NUDT2: variants seen among roughly 807,000 people sequenced by gnomAD.
NUDT2 encodes nudix hydrolase 2.
Under a neutral mutation model 14.2 loss-of-function variants are expected in NUDT2, and 12 were observed. That is an observed-to-expected ratio of 0.84 (90% CI 0.54 to 1.37). The LOEUF is 1.37. Ranked by LOEUF, NUDT2 falls within the 40% of genes most tolerant of loss-of-function variation. NUDT2 has a pLI of 0.00. For synonymous variants in NUDT2, 67 were observed against 67.4 expected, an observed-to-expected ratio of 0.99 and a Z score of 0.03; for missense variants, 167 against 176.7, an observed-to-expected ratio of 0.95 and a Z score of 0.31.
Position 34,338,887 on chromosome 9 carries a change from G to A in NUDT2, c.-17+40G>A, listed in dbSNP as rs1838165775. On this transcript the variant is annotated intron_variant, in intron 3 of 4. Coordinates refer to ENST00000379158, the MANE Select transcript of NUDT2 (RefSeq NM_001161.5). ...CCTGGATGCCTTCCATTGGTCCTGGGCATGCTGCCTTTTTCTGTGGGCTAT... is the reference window on the plus strand; with the variant it reads ...CCTGGATGCCTTCCATTGGTCCTGGACATGCTGCCTTTTTCTGTGGGCTAT... The A allele has an allele frequency of 1.2e-5, 8 of 667,916 alleles. No individual in the cohort carries two copies. The Admixed American group carries it at 1.4e-4, about 11-fold the overall frequency. 41.4% of individuals were successfully genotyped at this position (667,916 alleles called of 1,614,324 possible). A position where few individuals can be genotyped will look rare whatever the true frequency, so the allele number is the denominator to read the frequency against.
intron 4 of NUDT2, among the ~76,000 whole-genome samples, chr9:34,339,845 G>T (rs1838188717): frequency 6.6e-6 from 1 of 152,060 alleles, no homozygotes; most frequent in Non-Finnish European, 1.5e-5. Flanking sequence ...TCAAAAAAAA[G>T]AAAATCCTAA....
At chr9:34,333,243 A>G (rs1563972167) in intron 1 of NUDT2, among the ~76,000 whole-genome samples, 1 of 152,182 alleles carries the variant, frequency 6.6e-6, no homozygotes, top group Non-Finnish European at 1.5e-5. Flanking sequence ...AGGATTTAAC[A>G]TCTACGGCCC....
At chr9:34,342,736 G>A (rs115909736) in intron 4 of NUDT2, among the ~76,000 whole-genome samples, 52 of 152,184 alleles carry the variant, frequency 3.4e-4, no homozygotes, top group Admixed American at 7.2e-4. Context: ...TCACTGAATG[G>A]CTGGGTGTGG....
chr9:34,343,253 A>G lies in NUDT2; in HGVS notation c.257A>G (p.Asn86Ser), dbSNP rs1820239969. Residue 86 changes from asparagine to serine, a missense_variant, in exon 5 of 5, where the codon AAC becomes AGC. Coordinates refer to ENST00000379158, the MANE Select transcript of NUDT2 (RefSeq NM_001161.5). ...AGGGAACTCAATTATGTGGCCAGGA[A>G]CAAGCCTAAAACAGTCATTTACTGG... The part of the protein sequence containing the change: ...FKRELNYVAR[N>S]KPKTVIYWLA... 1 of 1,614,088 alleles carries G rather than the reference A, an allele frequency of 6.2e-7. No homozygotes were observed. Among genetic ancestry groups the G allele is most frequent in the East Asian group, 2.2e-5 (1 of 44,866 alleles).
chr9:34,338,507 CAA>C (rs138767351), intron 2 of NUDT2, among the ~76,000 whole-genome samples: 6 of 120,466 alleles, frequency 5.0e-5, no homozygotes, highest in African/African-American at 3.1e-5. Flanking sequence ...GACCCTGTCT[CAA>C]AAAAAAAAAA....
chr9:34,332,040 G>C (rs1371827752), intron 1 of NUDT2, among the ~76,000 whole-genome samples: 1 of 152,160 alleles, frequency 6.6e-6, no homozygotes, highest in East Asian at 1.9e-4. Flanking sequence ...TGTTGCAATA[G>C]ACTTGTAACT....
In NUDT2 at chr9:34,338,816, T is replaced by C. The variant is rs2275263; in HGVS notation, c.-48T>C. ...GGATAGAGGCCACATTGACTGAGGGTAGTTGCCAGGGTCCTGCAGTTATAC... is the reference window on the plus strand; with the variant it reads ...GGATAGAGGCCACATTGACTGAGGGCAGTTGCCAGGGTCCTGCAGTTATAC... On this transcript the variant is annotated 5_prime_UTR_variant, in exon 3 of 5. Coordinates refer to ENST00000379158, the MANE Select transcript of NUDT2 (RefSeq NM_001161.5). 8.6e-4 allele frequency: 318 copies of C among 369,902 alleles called. 2 individuals carry two copies. The highest frequency in any genetic ancestry group is 2.6e-3 in the East Asian group (61 of 23,392). The allele number at this position is 369,902 out of a possible 1,614,324, so 22.9% of individuals were successfully genotyped here.
chr9:34,339,893 T>C (rs900144889), intron 4 of NUDT2, among the ~76,000 whole-genome samples: 4 of 152,124 alleles, frequency 2.6e-5, no homozygotes, highest in Non-Finnish European at 5.9e-5. Context: ...ATTTGATCAA[T>C]TTCCTTTGAC....
At chr9:34,337,342 G>A (rs1838117429) in intron 2 of NUDT2, among the ~76,000 whole-genome samples, 1 of 152,114 alleles carries the variant, frequency 6.6e-6, no homozygotes, top group Admixed American at 6.5e-5. Context: ...ATGTGAGAGT[G>A]GCTAGAAATG....
chr9:34,343,225 A>G lies in NUDT2; in HGVS notation c.229A>G (p.Lys77Glu). The change falls in exon 5 of 5, where the codon AAA becomes GAA. Residue 77 changes from lysine (K) to glutamate (E), a missense_variant. Physicochemically the swap from Lys to Glu is moderately conservative, Grantham distance 56. Coordinates refer to ENST00000379158, the MANE Select transcript of NUDT2 (RefSeq NM_001161.5). The stretch of plus-strand genomic sequence containing the variant: ...CCAGCTGACCATTATTGAGGGGTTC[A>G]AAAGGGAACTCAATTATGTGGCCAG... ...AGQLTIIEGF[K>E]RELNYVARNK... 1 of 1,614,090 alleles carries G rather than the reference A, an allele frequency of 6.2e-7. No individual in the cohort carries two copies. The highest frequency in any genetic ancestry group is 8.5e-7 in the Non-Finnish European group (1 of 1,180,022).
rs762784885 is a variant in NUDT2 at position 34,339,081 on chromosome 9, C to A, written c.42C>A (p.Cys14Ter). The change falls in exon 4 of 5, where the codon TGC becomes TGA. Residue 14 changes from cysteine (C) to a stop codon, truncating the protein, a stop_gained. Transcript: ENST00000379158. LOFTEE classifies it high-confidence loss of function. ...GTGGCTTGATCATCTTCCGAAGATG[C>A]CTCATTCCCAAAGTGGACAACAATG... ...RACGLIIFRR[C>*]LIPKVDNNAI... 1.2e-6 allele frequency: 2 copies of A among 1,613,930 alleles called. No individual in the cohort carries two copies. The highest frequency in any genetic ancestry group is 1.7e-6 in the Non-Finnish European group (2 of 1,179,814).
chr9:34,339,055 T>C lies in NUDT2; in HGVS notation c.16T>C (p.Cys6Arg), dbSNP rs771240044. ...GGATAAGACCATGGCCTTGAGAGCA[T>C]GTGGCTTGATCATCTTCCGAAGATG... MALRA[C>R]GLIIFRRCLI... Residue 6 changes from cysteine (C) to arginine (R), a missense_variant, in exon 4 of 5, where the codon TGT (cysteine) becomes CGT (arginine). Physicochemically the swap from Cys to Arg is radical, Grantham distance 180. Coordinates refer to ENST00000379158, the MANE Select transcript of NUDT2 (RefSeq NM_001161.5). 1.2e-6 allele frequency: 2 copies of C among 1,613,988 alleles called. No individual in the cohort carries two copies. Among genetic ancestry groups the C allele is most frequent in the South Asian group, 2.2e-5 (2 of 91,080 alleles).
rs777452553 is a variant in NUDT2 at position 34,343,332 on chromosome 9, A to G, written c.336A>G (p.Gln112=). The G allele has an allele frequency of 6.8e-6, 11 of 1,613,842 alleles. 1 individual carries two copies. The South Asian group carries it at 1.2e-4, about 18-fold the overall frequency. ...AGATCCGCCTCTCCCATGAGCACCA[A>G]GCCTACCGCTGGCTGGGGCTGGAGG... is the stretch of plus-strand genomic sequence containing the variant. ...DVEIRLSHEH[Q]AYRWLGLEEA... Residue 112 remains glutamine, a synonymous_variant, in exon 5 of 5, where the codon CAA becomes CAG. Coordinates refer to ENST00000379158, the MANE Select transcript of NUDT2 (RefSeq NM_001161.5).
rs1483385856 is a variant in NUDT2 at position 34,336,822 on chromosome 9, G to A, written c.-152+481G>A. ...GCCTCCCAGAATGCTGGGATTAAAG[G>A]CTCGAGCCACTGAACCCAGCCTCGA... is the stretch of plus-strand genomic sequence containing the variant. On this transcript the variant is annotated intron_variant, in intron 2 of 4. Transcript: ENST00000379158. Among the ~76,000 whole-genome samples the A allele has an allele frequency of 2.0e-5, 3 of 151,826 alleles. No individual in the cohort carries two copies. The East Asian group carries it at 5.8e-4, about 29-fold the overall frequency.
At chr9:34,338,875 C>A in intron 3 of NUDT2, 28 bp downstream of exon 3, 1 of 582,206 alleles carries the variant, frequency 1.7e-6, no homozygotes, top group Non-Finnish European at 3.0e-6. Flanking sequence ...GGATGCCTTC[C>A]ATTGGTCCTG....
intron 4 of NUDT2, among the ~76,000 whole-genome samples, chr9:34,342,094 C>G (rs1188979671): frequency 6.6e-6 from 1 of 152,208 alleles, no homozygotes; most frequent in Non-Finnish European, 1.5e-5. Context: ...TCTCCTACAG[C>G]AGTTTCTTGG....
rs1820232687 is a variant in NUDT2, at chr9:34,343,050, C to A, written c.128-74C>A. 15 of 1,350,910 alleles carry A rather than the reference C, an allele frequency of 1.1e-5. No individual in the cohort carries two copies. In the East Asian group the frequency reaches 1.6e-4, roughly 15 times the overall value. 83.7% of individuals were successfully genotyped at this position (1,350,910 alleles called of 1,614,324 possible). On this transcript the variant is annotated intron_variant, in intron 4 of 4. Coordinates refer to ENST00000379158, the MANE Select transcript of NUDT2 (RefSeq NM_001161.5). ...AAGCAAAACAGAAAAAAAAAAAAAT[C>A]TTGTCTGGAAAATCCAGCTTTGGGA...
intron 1 of NUDT2, among the ~76,000 whole-genome samples, chr9:34,330,560 T>G (rs1401544384): frequency 6.6e-6 from 1 of 152,268 alleles, no homozygotes; most frequent in Non-Finnish European, 1.5e-5. Context: ...GTTCCCTTTC[T>G]ACTCTTCTGA....
chr9:34,338,559 C>T (rs2131859110), intron 2 of NUDT2, among the ~76,000 whole-genome samples, 154 bp from the exon 3 acceptor site: 1 of 151,516 alleles, frequency 6.6e-6, no homozygotes, highest in South Asian at 2.1e-4. Context: ...AAGTTACTCT[C>T]TGTAGATGAC....
Sources: allele counts gnomAD v4.1 joint callset (sites outside exome capture counted in the v4.1 genomes callset), GRCh38; gene constraint gnomAD v4.1.1; transcripts MANE v1.5; gene names NCBI Gene and HGNC (gene_info 2026-07-23, HGNC 2026-07-21).